The following PDXDC1 variants were observed in gnomAD, a reference collection of about 807,000 sequenced individuals.
PDXDC1 encodes pyridoxal-dependent decarboxylase domain-containing protein 1.
Under a neutral mutation model 100.1 loss-of-function variants are expected in PDXDC1, and 42 were observed. That is an observed-to-expected ratio of 0.42 (90% confidence interval 0.33 to 0.54). PDXDC1 has a LOEUF of 0.54. Among genes scored for constraint, PDXDC1 ranks in the 20% least tolerant of loss-of-function variants. The pLI is 0.10. For missense variants in PDXDC1, 636 were observed against 979.2 expected, an observed-to-expected ratio of 0.65 and a Z score of 4.68; for synonymous variants, 260 against 371.7, an observed-to-expected ratio of 0.70 and a Z score of 3.46.
At chr16:15,071,396 T>A (rs866587650) in intron 16 of PDXDC1, 2 of 789,634 alleles carry the variant, frequency 2.5e-6, no homozygotes, top group East Asian at 2.7e-5. Flanking sequence ...TTAAAACACA[T>A]TGAGAGAATA....
At chr16:15,020,007 G>A (rs1190235196) in intron 12 of PDXDC1, among the ~76,000 whole-genome samples, 13 of 152,002 alleles carry the variant, frequency 8.6e-5, no homozygotes, top group African/African-American at 9.7e-5. Context: ...AGCTGCTCAG[G>A]AGGCTGAGGC....
At chr16:15,140,952 G>A (rs1376641539), downstream of PDXDC1, among the ~76,000 whole-genome samples, 1 of 152,056 alleles carries the variant, frequency 6.6e-6, no homozygotes, top group Non-Finnish European at 1.5e-5. Context: ...CCCAGCAGGT[G>A]CCTCTGCCTA....
intron 16 of PDXDC1, chr16:15,125,338 C>T (rs1441388218): frequency 2.3e-5 from 17 of 728,132 alleles, no homozygotes; most frequent in Admixed American, 1.5e-4. Context: ...GCAGGTGGCG[C>T]GGGTCAGCAA....
chr16:15,068,229 T>G (rs780175717), intron 16 of PDXDC1: 2 of 1,593,208 alleles, frequency 1.3e-6, no homozygotes, highest in South Asian at 2.3e-5. Flanking sequence ...GGGATTTAGC[T>G]GGCTCATCAC....
intron 16 of PDXDC1, among the ~76,000 whole-genome samples, chr16:15,119,738 GTTTGTT>G (rs2047377022): frequency 7.9e-6 from 1 of 125,930 alleles, no homozygotes; most frequent in African/African-American, 3.0e-5. Flanking sequence ...TTTGTTTGTT[GTTTGTT>G]TTTGAGATGG....
At chr16:15,043,261 C>T (rs2043903562), downstream of PDXDC1, among the ~76,000 whole-genome samples, 1 of 151,268 alleles carries the variant, frequency 6.6e-6, no homozygotes, top group African/African-American at 2.4e-5. Flanking sequence ...GTGTCGAACT[C>T]CTGACCTTAG....
chr16:15,140,399 G>T (rs545609580), downstream of PDXDC1, among the ~76,000 whole-genome samples: 13 of 142,080 alleles, frequency 9.1e-5, no homozygotes, highest in African/African-American at 3.5e-4. Flanking sequence ...AGCTGAGATC[G>T]CGCCCCTGCA....
At chr16:15,149,152 C>A in the PDXDC1 span, among the ~76,000 whole-genome samples, 1 of 152,160 alleles carries the variant, frequency 6.6e-6, no homozygotes, top group African/African-American at 2.4e-5. Flanking sequence ...CTGACTGAGG[C>A]CCTACCCCTG....
chr16:15,030,353 T>C (rs1433021580), intron 16 of PDXDC1, among the ~76,000 whole-genome samples: 1 of 152,154 alleles, frequency 6.6e-6, no homozygotes, highest in African/African-American at 2.4e-5. Flanking sequence ...GAGACCAGCC[T>C]GGCCAACATA....
intron 16 of PDXDC1, chr16:15,135,717 C>T (rs1292201981): frequency 2.1e-5 from 34 of 1,595,166 alleles, no homozygotes; most frequent in Admixed American, 1.0e-4. Flanking sequence ...AGGTTGGGGT[C>T]GTAGGACTCG....
chr16:15,088,640 A>C (rs2046001021), intron 16 of PDXDC1, among the ~76,000 whole-genome samples: 1 of 152,060 alleles, frequency 6.6e-6, no homozygotes, highest in African/African-American at 2.4e-5. Flanking sequence ...AGAGAAAGTG[A>C]TGCTTCAGCT....
At chr16:14,986,098 CAAA>C (rs1162285045) in intron 1 of PDXDC1, among the ~76,000 whole-genome samples, 1 of 145,044 alleles carries the variant, frequency 6.9e-6, no homozygotes, top group African/African-American at 2.5e-5. Flanking sequence ...GGTCATGTCT[CAAA>C]AAAAAAAAAA....
At chr16:15,117,355 C>CT (rs1268324844) in intron 16 of PDXDC1, among the ~76,000 whole-genome samples, 1 of 128,920 alleles carries the variant, frequency 7.8e-6, no homozygotes, top group Non-Finnish European at 1.6e-5. Flanking sequence ...AGTTAGTAAA[C>CT]TTACACTTAA....
chr16:15,143,965 A>C (rs1598297437), downstream of PDXDC1, among the ~76,000 whole-genome samples: 1 of 152,142 alleles, frequency 6.6e-6, no homozygotes, highest in East Asian at 1.9e-4. Flanking sequence ...GCCTCACTGG[A>C]AACTGGGCTG....
At chr16:15,098,257 G>T (rs1159771985) in intron 16 of PDXDC1, among the ~76,000 whole-genome samples, 1 of 148,194 alleles carries the variant, frequency 6.7e-6, no homozygotes, top group Non-Finnish European at 1.5e-5. Flanking sequence ...CTGGGGTACA[G>T]TGGCACAAGC....
intron 19 of PDXDC1, among the ~76,000 whole-genome samples, chr16:15,033,861 A>G (rs1173468659): frequency 6.6e-6 from 1 of 152,208 alleles, no homozygotes. Context: ...CCAGGATACA[A>G]GGCTGATAAG....
chr16:15,037,838 A>AT lies in PDXDC1; in HGVS notation c.*1564dup, dbSNP rs1567747795. On this transcript the variant is annotated 3_prime_UTR_variant, in exon 23 of 23. Coordinates refer to ENST00000396410, the MANE Select transcript of PDXDC1 (RefSeq NM_015027.4). ...CATCAATTTTTTAGTAAACCAAAAA[A>AT]TAAGTCTCAACAAATGCCTTTGCCA... 2.0e-6 allele frequency: 1 copy of AT among 493,144 alleles called. No homozygotes were observed. The highest frequency in any genetic ancestry group is 1.9e-5 in the African/African-American group (1 of 51,586). 30.5% of individuals were successfully genotyped at this position (493,144 alleles called of 1,614,324 possible). A position where few individuals can be genotyped will look rare whatever the true frequency, so the allele number is the denominator to read the frequency against.
chr16:15,128,057 T>C (rs1279150235), intron 16 of PDXDC1: 9 of 1,607,180 alleles, frequency 5.6e-6, no homozygotes, highest in East Asian at 4.5e-5. Context: ...AAGCCAGTCA[T>C]TGACCAGGAA....
intron 16 of PDXDC1, chr16:15,044,405 A>G: frequency 6.8e-6 from 11 of 1,611,684 alleles, no homozygotes; most frequent in Non-Finnish European, 9.3e-6. Flanking sequence ...GTGTACTTCC[A>G]GCCTGGCAAA....
Sources: allele counts gnomAD v4.1 joint callset (sites outside exome capture counted in the v4.1 genomes callset), GRCh38; gene constraint gnomAD v4.1.1; transcripts MANE v1.5; gene names NCBI Gene and HGNC (gene_info 2026-07-23, HGNC 2026-07-21).